The following MAST4 variants were observed in gnomAD, a reference collection of about 807,000 sequenced individuals.
MAST4 encodes microtubule associated serine/threonine kinase family member 4, also known as microtubule-associated serine/threonine-protein kinase 4.
MAST4 carries 89 observed loss-of-function variants against 162.7 expected under a neutral mutation model. The observed-to-expected ratio is 0.55, with a 90% CI of 0.46 to 0.65. The LOEUF (loss-of-function observed/expected upper bound fraction) is 0.65. MAST4 is among the 30% of genes least tolerant of loss of function. MAST4 has a pLI of 0.00. For synonymous variants in MAST4, 1,479 were observed against 1,361.1 expected (o/e 1.09, Z -1.91); for missense variants, 3,153 against 3,374.0 (o/e 0.93, Z 1.62).
At chr5:66,927,190 A>G (rs1321966794) in intron 4 of MAST4, among the ~76,000 whole-genome samples, 3 of 152,170 alleles carry the variant, frequency 2.0e-5, no homozygotes, top group African/African-American at 4.8e-5. Context: ...ATGGCCAAGG[A>G]AAGAGAGATG....
chr5:66,704,944 C>G (rs966972573), intron 1 of MAST4, among the ~76,000 whole-genome samples: 3 of 152,134 alleles, frequency 2.0e-5, no homozygotes, highest in African/African-American at 7.2e-5. Flanking sequence ...GCTAAGCAGT[C>G]CTAGAGGTGG....
At chr5:66,796,163 T>G (rs1029727248) in intron 3 of MAST4, among the ~76,000 whole-genome samples, 5 of 152,102 alleles carry the variant, frequency 3.3e-5, no homozygotes, top group Non-Finnish European at 7.3e-5. Flanking sequence ...TAAAATGAAG[T>G]GTAAAATCCT....
chr5:66,860,202 G>A (rs192840424), intron 3 of MAST4, among the ~76,000 whole-genome samples: 215 of 152,226 alleles, frequency 1.4e-3, no homozygotes, highest in African/African-American at 5.1e-3. Context: ...TGTAAAATGG[G>A]CATAAAAATA....
rs747557633 is a variant in MAST4, at chr5:67,163,109, AC to A, written c.3968-36del. On this transcript the variant is annotated intron_variant, in intron 28 of 28. Transcript: ENST00000403625. The surrounding 1 kb of genome is among the most constrained non-coding windows in gnomAD (Gnocchi z 7.0). ...CAACTGTGAAAAAAAGGGGAAAATG[AC>A]CATGGATGCTCACAGCCTTCTGTTT... 89 of 1,564,966 alleles carry A rather than the reference AC, an allele frequency of 5.7e-5. No individual in the cohort carries two copies. The Admixed American group carries it at 1.5e-3, about 27-fold the overall frequency.
At chr5:66,767,985 A>G (rs547598300) in intron 2 of MAST4, among the ~76,000 whole-genome samples, 1 of 152,154 alleles carries the variant, frequency 6.6e-6, no homozygotes, top group Non-Finnish European at 1.5e-5. Flanking sequence ...CACACTTTAC[A>G]TCCTTCAATC....
intron 4 of MAST4, among the ~76,000 whole-genome samples, chr5:66,994,974 C>T (rs544627376): frequency 1.3e-5 from 2 of 152,276 alleles, no homozygotes; most frequent in Admixed American, 1.3e-4. Context: ...AATGCACAGC[C>T]TCACCAATCT....
At chr5:67,135,565 G>A (rs140155997) in intron 18 of MAST4, among the ~76,000 whole-genome samples, 13 of 152,288 alleles carry the variant, frequency 8.5e-5, no homozygotes, top group Non-Finnish European at 1.5e-4. Flanking sequence ...TTCTATCTTT[G>A]ATTTTGCAAG....
At chr5:66,939,111 A>G (rs1484459125) in intron 4 of MAST4, among the ~76,000 whole-genome samples, 1 of 152,202 alleles carries the variant, frequency 6.6e-6, no homozygotes, top group Non-Finnish European at 1.5e-5. Context: ...GTTAACTTAT[A>G]TTAATCAGTT....
rs1491309673 is a variant in MAST4, at chr5:67,039,979, ATG to A, written c.675-14417_675-14416del. Among the ~76,000 whole-genome samples the A allele has an allele frequency of 6.3e-4, 87 of 137,422 alleles. 1 individual carries two copies. The highest frequency in any genetic ancestry group is 5.0e-3 in the Admixed American group (70 of 13,876). The allele number at this position is 137,422 out of a possible 152,430, so 90.2% of individuals were successfully genotyped here. A position where few individuals can be genotyped will look rare whatever the true frequency, so the allele number is the denominator to read the frequency against. On this transcript the variant is annotated intron_variant, in intron 4 of 28. Coordinates refer to ENST00000403625, the MANE Select transcript of MAST4 (RefSeq NM_001164664.2). ...TGAGATTTTATATATATATATATATATGTGTGTGTATATATATATAATATAAA... is the reference window on the plus strand; with the variant it reads ...TGAGATTTTATATATATATATATATATGTGTGTATATATATATAATATAAA...
intron 1 of MAST4, among the ~76,000 whole-genome samples, chr5:66,609,706 T>TTTTTTTTTTTTG (rs1743162234): frequency 1.2e-5 from 1 of 85,820 alleles, no homozygotes; most frequent in African/African-American, 5.0e-5. Context: ...TTTTTTTTTG[T>TTTTTTTTTTTTG]TTTTTTTTTT....
intron 19 of MAST4, among the ~76,000 whole-genome samples, chr5:67,138,118 T>C (rs535187881): frequency 6.6e-5 from 10 of 152,324 alleles, no homozygotes; most frequent in African/African-American, 2.2e-4. Context: ...TGTATGACCC[T>C]GGACAGGTTA....
At chr5:67,129,613 A>G (rs151326526) in intron 14 of MAST4, among the ~76,000 whole-genome samples, 1 of 151,998 alleles carries the variant, frequency 6.6e-6, no homozygotes, top group Non-Finnish European at 1.5e-5. Context: ...AATCCCATCT[A>G]CCCAGGAGGC....
chr5:66,939,957 C>T (rs1254896662), intron 4 of MAST4, among the ~76,000 whole-genome samples: 2 of 152,074 alleles, frequency 1.3e-5, no homozygotes, highest in African/African-American at 4.8e-5. Flanking sequence ...GTCCCAGCTA[C>T]ACAGTAGTCT....
chr5:66,807,710 G>C (rs903625019), intron 3 of MAST4, among the ~76,000 whole-genome samples: 2 of 152,060 alleles, frequency 1.3e-5, no homozygotes, highest in Non-Finnish European at 2.9e-5. Flanking sequence ...CATGGGAACC[G>C]TAGGGCTAAA....
rs1471187018 is a variant in MAST4 at position 66,596,794 on chromosome 5, ACT to A, written c.142_143del (p.Leu48ValfsTer75). Reference protein sequence around the residue: ...SSAESSSGSETLSEEGEPGGF... With the variant: ...SSAESSSGSEXLSEEGEPGGF... The stretch of plus-strand genomic sequence containing the variant: ...GGCCGAGTCCTCCTCGGGCTCAGAA[ACT>A]CTGTCGGAGGAAGGGGAGCCCGGCG... On this transcript the variant is annotated frameshift_variant, in exon 1 of 29. Coordinates refer to ENST00000403625, the MANE Select transcript of MAST4 (RefSeq NM_001164664.2). LOFTEE classifies it high-confidence loss of function. 6 of 1,339,794 alleles carry A rather than the reference ACT, an allele frequency of 4.5e-6. No homozygotes were observed. The highest frequency in any genetic ancestry group is 1.5e-5 in the African/African-American group (1 of 65,430). 83.0% of individuals were successfully genotyped at this position (1,339,794 alleles called of 1,614,324 possible).
intron 3 of MAST4, among the ~76,000 whole-genome samples, chr5:66,858,138 A>G (rs548188200): frequency 1.2e-4 from 18 of 151,598 alleles, no homozygotes; most frequent in Non-Finnish European, 2.4e-4. Context: ...TATATTTTTT[A>G]CATATTGTAA....
intron 4 of MAST4, among the ~76,000 whole-genome samples, chr5:66,926,053 C>T (rs1764868954): frequency 6.6e-6 from 1 of 151,692 alleles, no homozygotes; most frequent in Non-Finnish European, 1.5e-5. Flanking sequence ...TAATTCTCAT[C>T]CATTTGGGCT....
chr5:66,916,639 T>G (rs1034586294), intron 4 of MAST4, among the ~76,000 whole-genome samples: 1 of 152,220 alleles, frequency 6.6e-6, no homozygotes, highest in African/African-American at 2.4e-5. Flanking sequence ...TCTTCCATTC[T>G]TCACTTCATA....
chr5:66,806,830 G>C (rs904622737), intron 3 of MAST4, among the ~76,000 whole-genome samples: 1 of 151,918 alleles, frequency 6.6e-6, no homozygotes, highest in Non-Finnish European at 1.5e-5. Flanking sequence ...TGCCAGTCTT[G>C]GGCTCAATTT....
Sources: allele counts gnomAD v4.1 joint callset (sites outside exome capture counted in the v4.1 genomes callset), GRCh38; gene constraint gnomAD v4.1.1; non-coding constraint Gnocchi (gnomAD v3.1); transcripts MANE v1.5; gene names NCBI Gene and HGNC (gene_info 2026-07-23, HGNC 2026-07-21).